The following RTBDN variants were observed in gnomAD, a reference collection of about 807,000 sequenced individuals.
RTBDN encodes the protein retbindin.
RTBDN carries 24 observed loss-of-function variants against 21.9 expected under a neutral mutation model. The ratio of observed to expected loss-of-function variants is 1.10; its 90% CI spans 0.79 to 1.54. The LOEUF (loss-of-function observed/expected upper bound fraction) is 1.54, where lower values mean the gene tolerates loss of function less well. Among genes scored for constraint, RTBDN ranks in the 40% most tolerant of loss-of-function variants. RTBDN has a pLI of 0.00. For missense variants in RTBDN, 325 were observed against 315.2 expected (o/e 1.03, Z -0.23); for synonymous variants, 141 against 125.9 (o/e 1.12, Z -0.80).
chr19:12,835,044 C>G (rs1969708264), upstream of RTBDN: 1 of 1,606,338 alleles, frequency 6.2e-7, no homozygotes, highest in South Asian at 1.1e-5. Context: ...GGCTCCATCC[C>G]CAGCCTGAAT....
rs1277508072 is a variant in RTBDN, at chr19:12,830,126, T to C, written c.-18-129A>G. Reference sequence around the variant, plus strand: ...GCAGCTGAGGAGGAGGCTGGGGCAGTGGCCAAGGACGTTCAAATCCCAGGA... The same window carrying C: ...GCAGCTGAGGAGGAGGCTGGGGCAGCGGCCAAGGACGTTCAAATCCCAGGA... On this transcript the variant is annotated intron_variant, in intron 1 of 5. Transcript: ENST00000674343. The surrounding 1 kb of genome is among the most constrained non-coding windows in gnomAD (Gnocchi z 4.2). The C allele has an allele frequency of 3.1e-6, 4 of 1,298,012 alleles. No homozygotes were observed. The East Asian group carries it at 1.0e-4, about 33-fold the overall frequency. 80.4% of individuals were successfully genotyped at this position (1,298,012 alleles called of 1,614,324 possible).
intron 4 of RTBDN, among the ~76,000 whole-genome samples, chr19:12,827,568 C>T (rs1382387257): frequency 6.6e-6 from 1 of 151,932 alleles, no homozygotes; most frequent in African/African-American, 2.4e-5. Context: ...GGGGATCTGC[C>T]CACCTTGGCC....
rs1412019949 is a variant in RTBDN, at chr19:12,834,340, G to A, written c.-19+149C>T. On this transcript the variant is annotated intron_variant, in intron 1 of 5. Coordinates refer to ENST00000674343, the MANE Select transcript of RTBDN (RefSeq NM_001270441.2). This position sits in a 1 kb window ranked among gnomAD's most constrained non-coding sequence, Gnocchi z 4.7. ...GCCTCGCCAGGCTAGGGGTGAGGGGGCGCAGAGCAAAGTTATTGCCCTAGG... is the reference window on the plus strand; with the variant it reads ...GCCTCGCCAGGCTAGGGGTGAGGGGACGCAGAGCAAAGTTATTGCCCTAGG... 2 of 621,058 alleles carry A rather than the reference G, an allele frequency of 3.2e-6. No homozygotes were observed. The highest frequency in any genetic ancestry group is 1.8e-5 in the African/African-American group (1 of 54,190). 38.5% of individuals were successfully genotyped at this position (621,058 alleles called of 1,614,324 possible). A position where few individuals can be genotyped will look rare whatever the true frequency, so the allele number is the denominator to read the frequency against.
intron 1 of RTBDN, chr19:12,833,006 G>A (rs1969632690): frequency 6.6e-6 from 1 of 152,246 alleles, no homozygotes; most frequent in Non-Finnish European, 1.5e-5. Flanking sequence ...AGCGGCGAGG[G>A]AGCTGAAAAG....
At position 12,829,976 on chromosome 19, in the gene RTBDN, C is replaced by T; in HGVS notation, c.4G>A (p.Asp2Asn). 6.2e-7 allele frequency: 1 copy of T among 1,607,648 alleles called. No individual in the cohort carries two copies. The highest frequency in any genetic ancestry group is 1.1e-5 in the South Asian group (1 of 90,974). M[D>N]CRVHMRPIGL... ...ATGGGTCGCATGTGGACCCTGCAGT[C>T]CATGTCCACCTGAGATAAGAGCTGG... The change falls in exon 2 of 6, where the codon GAC (aspartate) becomes AAC (asparagine). Residue 2 changes from aspartate to asparagine, a missense_variant. Transcript: ENST00000674343.
chr19:12,825,764 G>T lies in RTBDN; in HGVS notation c.632C>A (p.Thr211Asn). Residue 211 changes from threonine (T) to asparagine (N), a missense_variant, in exon 6 of 6, where the codon ACC becomes AAC. Thr to Asn is a moderately conservative substitution (Grantham distance 65). Transcript: ENST00000674343. Reference sequence around the variant, plus strand: ...GCTGCCCGCAGCGTCCAGGATGGAGGTGCGAGGGCTGCGGGAACGCCGGGA... The same window carrying T: ...GCTGCCCGCAGCGTCCAGGATGGAGTTGCGAGGGCTGCGGGAACGCCGGGA... ...APSRRSRSPR[T>N]SILDAAGSGS... is the part of the protein sequence containing the mutation. 6.2e-7 allele frequency: 1 copy of T among 1,609,468 alleles called. No individual in the cohort carries two copies. The highest frequency in any genetic ancestry group is 8.5e-7 in the Non-Finnish European group (1 of 1,177,838).
At chr19:12,829,285 T>G (rs1969458286) in intron 2 of RTBDN, among the ~76,000 whole-genome samples, 1 of 151,594 alleles carries the variant, frequency 6.6e-6, no homozygotes, top group African/African-American at 2.4e-5. Flanking sequence ...CACTGCAACC[T>G]CCACCTCCCA....
At chr19:12,826,963 C>T in intron 4 of RTBDN, 92 bp from the exon 5 acceptor site, 1 of 868,122 alleles carries the variant, frequency 1.2e-6, no homozygotes, top group Non-Finnish European at 1.9e-6. Flanking sequence ...CTATATGCCC[C>T]CACCTCGGAT....
At chr19:12,831,736 T>C (rs1382176966) in intron 1 of RTBDN, among the ~76,000 whole-genome samples, 1 of 151,848 alleles carries the variant, frequency 6.6e-6, no homozygotes, top group Non-Finnish European at 1.5e-5. Flanking sequence ...AAACTCAAAA[T>C]AAAAGACACA....
At chr19:12,833,800 C>T (rs1457189829) in intron 1 of RTBDN, among the ~76,000 whole-genome samples, 1 of 148,450 alleles carries the variant, frequency 6.7e-6, no homozygotes, top group Non-Finnish European at 1.5e-5. Context: ...GTGACGGCGC[C>T]GGGCCCGCCC....
chr19:12,825,981 TG>T, intron 5 of RTBDN, 48 bp from the exon 6 acceptor site: 2 of 1,497,826 alleles, frequency 1.3e-6, no homozygotes, highest in South Asian at 1.3e-5. Flanking sequence ...TCCAGAGACG[TG>T]GGGGGCGTGG....
chr19:12,828,663 T>C lies in RTBDN; in HGVS notation c.359A>G (p.Gln120Arg). ...TTGCCCCCGCGTCTCCTACCAGGCC[T>C]GGCAGAGCTCCTCGCAGAGCGGCTG... ...QAQPLCEELC[Q>R]AWFANCEDDI... Residue 120 changes from glutamine (Q) to arginine (R), a missense_variant, in exon 4 of 6, where the codon CAG becomes CGG. By Grantham distance (43) the Gln-to-Arg change is conservative. Transcript: ENST00000674343. The C allele has an allele frequency of 6.2e-7, 1 of 1,612,922 alleles. No homozygotes were observed.
At chr19:12,826,004 GA>G in intron 5 of RTBDN, 71 bp from the exon 6 acceptor site, 1 of 1,462,608 alleles carries the variant, frequency 6.8e-7, no homozygotes. Flanking sequence ...CTCGGGAAGG[GA>G]AAAATGTGTA....
chr19:12,828,887 CA>C lies in RTBDN; in HGVS notation c.235del (p.Cys79ValfsTer184). ...TACTCACTCAGGGCTCGGCACTCCA[CA>C]GCGTTCTGGATGGTTTCCAGGGCCC... is the stretch of plus-strand genomic sequence containing the variant. ...TSGPGNHPER[C>X]GVPSPECESF... On this transcript the variant is annotated frameshift_variant, in exon 3 of 6. Transcript: ENST00000674343. LOFTEE classifies it high-confidence loss of function. The C allele has an allele frequency of 6.2e-7, 1 of 1,614,232 alleles. No homozygotes were observed. Among genetic ancestry groups the C allele is most frequent in the Non-Finnish European group, 8.5e-7 (1 of 1,180,042 alleles).
intron 4 of RTBDN, among the ~76,000 whole-genome samples, chr19:12,827,618 C>T (rs1358205558): frequency 6.6e-6 from 1 of 152,028 alleles, no homozygotes; most frequent in Non-Finnish European, 1.5e-5. Context: ...CCACTACGTC[C>T]GGCCCATGTC....
rs1343842356 is a variant in RTBDN at position 12,832,783 on chromosome 19, C to T, written c.-19+1706G>A. On this transcript the variant is annotated intron_variant, in intron 1 of 5. Transcript: ENST00000674343. ...GACAAGCTCCTGGTGAATACCCGGA[C>T]CCAGCCTCGCCGTCGCCCCCGTCGT... is the stretch of plus-strand genomic sequence containing the variant. The T allele has an allele frequency of 5.3e-5, 8 of 152,206 alleles. No individual in the cohort carries two copies. The East Asian group carries it at 1.5e-3, about 29-fold the overall frequency. The allele number at this position is 152,206 out of a possible 1,614,324, so 9.4% of individuals were successfully genotyped here.
In RTBDN at chr19:12,825,801, G is replaced by T; in HGVS notation, c.595C>A (p.Arg199=). The change falls in exon 6 of 6, where the codon CGG becomes AGG. Residue 199 remains arginine (R), a synonymous_variant. Coordinates refer to ENST00000674343, the MANE Select transcript of RTBDN (RefSeq NM_001270441.2). Reference sequence around the variant, plus strand: ...CGGGAACGCCGGGAGGGAGCTTCCCGGCCCCGTCGTCCTGGTCTGGGACGA... The same window carrying T: ...CGGGAACGCCGGGAGGGAGCTTCCCTGCCCCGTCGTCCTGGTCTGGGACGA... ...VPRPRPGRRG[R]EAPSRRSRSP... is the part of the protein sequence containing the mutation. 1 of 1,612,110 alleles carries T rather than the reference G, an allele frequency of 6.2e-7. No individual in the cohort carries two copies. The highest frequency in any genetic ancestry group is 1.3e-5 in the African/African-American group (1 of 75,018).
chr19:12,825,571 T>C lies in RTBDN; in HGVS notation c.*135A>G. ...GATAACCTGGAGAGGGGTGGGTCTC[T>C]GGAGCTCCAGGGAGGAGGGACAGAC... On this transcript the variant is annotated 3_prime_UTR_variant, in exon 6 of 6. Transcript: ENST00000674343. 1 of 1,333,718 alleles carries C rather than the reference T, an allele frequency of 7.5e-7. No individual in the cohort carries two copies. The highest frequency in any genetic ancestry group is 9.9e-7 in the Non-Finnish European group (1 of 1,015,022). The allele number at this position is 1,333,718 out of a possible 1,614,324, so 82.6% of individuals were successfully genotyped here.
At chr19:12,829,312 G>A (rs769069528) in intron 2 of RTBDN, among the ~76,000 whole-genome samples, 9 of 150,328 alleles carry the variant, frequency 6.0e-5, no homozygotes, top group Non-Finnish European at 7.4e-5. Flanking sequence ...AACAATTCTC[G>A]TGCCTAAGCC....
Sources: allele counts gnomAD v4.1 joint callset (sites outside exome capture counted in the v4.1 genomes callset), GRCh38; gene constraint gnomAD v4.1.1; non-coding constraint Gnocchi (gnomAD v3.1); transcripts MANE v1.5; gene names NCBI Gene and HGNC (gene_info 2026-07-23, HGNC 2026-07-21).